Variants in FUT9 observed in about 807,000 individuals in gnomAD.
FUT9 encodes 4-galactosyl-N-acetylglucosaminide 3-alpha-L-fucosyltransferase 9.
A neutral mutation model predicts 29.7 loss-of-function variants in FUT9; 15 were observed. The observed-to-expected ratio is 0.51, with a 90% confidence interval of 0.34 to 0.78. The LOEUF (loss-of-function observed/expected upper bound fraction) is 0.78. Ranked by LOEUF, FUT9 falls within the 30% of genes least tolerant of loss-of-function variation. FUT9 has a pLI of 0.01. For synonymous variants in FUT9, 169 were observed against 153.7 expected, an observed-to-expected ratio of 1.10 and a Z score of -0.74; for missense variants, 319 against 425.4, an observed-to-expected ratio of 0.75 and a Z score of 2.20.
chr6:96,198,001 T>G (rs1773657009), intron 2 of FUT9, among the ~76,000 whole-genome samples: 1 of 152,218 alleles, frequency 6.6e-6, no homozygotes, highest in Non-Finnish European at 1.5e-5. Flanking sequence ...TTACACATTT[T>G]TCTCCCTAAT....
intron 2 of FUT9, among the ~76,000 whole-genome samples, chr6:96,115,610 C>G (rs1386253550): frequency 6.6e-6 from 1 of 152,178 alleles, no homozygotes; most frequent in Non-Finnish European, 1.5e-5. Flanking sequence ...TCTCATGTGG[C>G]TGGTAGTTTC....
rs1032135776 is a variant in FUT9 at position 96,081,360 on chromosome 6, T to A, written c.-97-32679T>A. On this transcript the variant is annotated intron_variant, in intron 1 of 2. Coordinates refer to ENST00000302103, the MANE Select transcript of FUT9 (RefSeq NM_006581.4). The stretch of plus-strand genomic sequence containing the variant: ...ATAATACATTTTTTAGTTTTGATTG[T>A]CTTTGAATTTTTCTTAAATGAAGTA... 5.3e-5 allele frequency among the ~76,000 whole-genome samples: 8 copies of A among 151,906 alleles called. No homozygotes were observed. In the South Asian group the frequency reaches 1.7e-3, roughly 31 times the overall value.
chr6:96,103,778 G>T (rs74775396), intron 1 of FUT9, among the ~76,000 whole-genome samples: 1 of 151,856 alleles, frequency 6.6e-6, no homozygotes, highest in African/African-American at 2.4e-5. Context: ...CTTTATTGAC[G>T]TATATTTGAT....
chr6:96,196,009 TG>T (rs1365449942), intron 2 of FUT9, among the ~76,000 whole-genome samples: 2 of 152,174 alleles, frequency 1.3e-5, no homozygotes, highest in Non-Finnish European at 2.9e-5. Flanking sequence ...AGTGTTGTTG[TG>T]GGGTGTTTTG....
intron 2 of FUT9, among the ~76,000 whole-genome samples, chr6:96,188,950 T>C (rs928159865): frequency 2.6e-5 from 4 of 151,938 alleles, no homozygotes; most frequent in African/African-American, 9.7e-5. Context: ...ATGAGCCTGG[T>C]TACAATTGAA....
At chr6:96,081,284 T>A (rs2127950863) in intron 1 of FUT9, among the ~76,000 whole-genome samples, 1 of 151,998 alleles carries the variant, frequency 6.6e-6, no homozygotes, top group Admixed American at 6.5e-5. Flanking sequence ...TTCTTCATTT[T>A]CTTACTTTTT....
intron 2 of FUT9, among the ~76,000 whole-genome samples, chr6:96,149,781 G>A (rs1416875541): frequency 6.6e-6 from 1 of 152,126 alleles, no homozygotes; most frequent in Admixed American, 6.5e-5. Context: ...TATACAGTGT[G>A]TAATGATCAA....
At chr6:96,184,891 C>A (rs1306768380) in intron 2 of FUT9, among the ~76,000 whole-genome samples, 3 of 151,976 alleles carry the variant, frequency 2.0e-5, no homozygotes, top group Non-Finnish European at 2.9e-5. Flanking sequence ...TCTCATAAAT[C>A]CATCAAAGTT....
chr6:96,142,965 T>G (rs1772492260), intron 2 of FUT9, among the ~76,000 whole-genome samples: 1 of 152,212 alleles, frequency 6.6e-6, no homozygotes, highest in Non-Finnish European at 1.5e-5. Context: ...ATATCATGGG[T>G]ATCTTCATAA....
chr6:96,194,081 AT>A (rs1205832053), intron 2 of FUT9, among the ~76,000 whole-genome samples: 1 of 152,216 alleles, frequency 6.6e-6, no homozygotes, highest in African/African-American at 2.4e-5. Flanking sequence ...GAGGGATAGC[AT>A]TAGGAGATAT....
At chr6:96,088,419 T>C (rs544500435) in intron 1 of FUT9, among the ~76,000 whole-genome samples, 28 of 152,200 alleles carry the variant, frequency 1.8e-4, no homozygotes, top group Non-Finnish European at 3.8e-4. Context: ...TTTTAAACTT[T>C]TGTTTATTTA....
At chr6:96,147,243 C>A (rs1020082497) in intron 2 of FUT9, among the ~76,000 whole-genome samples, 3 of 146,662 alleles carry the variant, frequency 2.0e-5, no homozygotes, top group African/African-American at 7.5e-5. Flanking sequence ...CTCACTGCAA[C>A]CTCCACCTTC....
intron 2 of FUT9, among the ~76,000 whole-genome samples, chr6:96,201,914 T>C (rs1371867230): frequency 2.0e-5 from 3 of 151,580 alleles, no homozygotes; most frequent in Non-Finnish European, 4.4e-5. Context: ...AAAAACTACA[T>C]AGCAAAAGAA....
chr6:96,117,197 G>C (rs540985407), intron 2 of FUT9, among the ~76,000 whole-genome samples: 1 of 152,222 alleles, frequency 6.6e-6, no homozygotes, highest in Non-Finnish European at 1.5e-5. Flanking sequence ...AGGAGTGCAG[G>C]TTAGCAATTA....
intron 2 of FUT9, among the ~76,000 whole-genome samples, chr6:96,135,647 G>A (rs898103034): frequency 6.6e-6 from 1 of 151,824 alleles, no homozygotes; most frequent in African/African-American, 2.4e-5. Flanking sequence ...AGGTACCGGG[G>A]GAGAAAGAAG....
chr6:96,079,814 A>G (rs755464944), intron 1 of FUT9, among the ~76,000 whole-genome samples: 7 of 152,144 alleles, frequency 4.6e-5, no homozygotes, highest in Non-Finnish European at 8.8e-5. Context: ...ATCAAAGTCC[A>G]TTGGCAGGAC....
At chr6:96,118,404 G>T (rs1338505284) in intron 2 of FUT9, among the ~76,000 whole-genome samples, 1 of 151,928 alleles carries the variant, frequency 6.6e-6, no homozygotes, top group Non-Finnish European at 1.5e-5. Flanking sequence ...GGTCCCATTA[G>T]ATTATAATAG....
intron 2 of FUT9, among the ~76,000 whole-genome samples, chr6:96,161,938 C>T (rs769932815): frequency 3.9e-5 from 6 of 152,224 alleles, no homozygotes; most frequent in Non-Finnish European, 7.3e-5. Flanking sequence ...TCTTCAAACT[C>T]ATTGATTCTT....
chr6:96,199,293 G>A (rs1439204945), intron 2 of FUT9, among the ~76,000 whole-genome samples: 1 of 152,030 alleles, frequency 6.6e-6, no homozygotes, highest in African/African-American at 2.4e-5. Flanking sequence ...AAAGGATTCT[G>A]TCAAGGAGAT....
Sources: gnomAD v4.1 joint callset for allele counts (sites outside exome capture counted in the v4.1 genomes callset) on GRCh38, gnomAD v4.1.1 for gene constraint, MANE v1.5 for transcripts, NCBI Gene and HGNC (gene_info 2026-07-23, HGNC 2026-07-21) for gene names.